Variants in ST6GALNAC3 observed in about 807,000 individuals in gnomAD.
ST6GALNAC3 encodes alpha-N-acetylgalactosaminide alpha-2,6-sialyltransferase 3.
Under a neutral mutation model 32.7 loss-of-function variants are expected in ST6GALNAC3, and 25 were observed. The observed-to-expected ratio is 0.76, with a 90% CI of 0.56 to 1.07. ST6GALNAC3 has a LOEUF of 1.07. ST6GALNAC3 is among the 50% of genes least tolerant of loss of function. The pLI, the probability that ST6GALNAC3 is intolerant of heterozygous loss-of-function variation, is 0.00. For missense variants in ST6GALNAC3, 355 were observed against 382.4 expected, an observed-to-expected ratio of 0.93 and a Z score of 0.60; for synonymous variants, 129 against 133.1, an observed-to-expected ratio of 0.97 and a Z score of 0.21.
chr1:76,121,148 C>T (rs1023658439), intron 1 of ST6GALNAC3, among the ~76,000 whole-genome samples: 1 of 152,220 alleles, frequency 6.6e-6, no homozygotes, highest in African/African-American at 2.4e-5. Context: ...AATTTCATCA[C>T]ATCTGCAAAG....
intron 1 of ST6GALNAC3, among the ~76,000 whole-genome samples, chr1:76,194,719 T>C (rs977422855): frequency 1.3e-4 from 20 of 152,158 alleles, no homozygotes; most frequent in Admixed American, 1.3e-3. Flanking sequence ...ACAAATGTTA[T>C]TGGAAAAAGG....
intron 1 of ST6GALNAC3, among the ~76,000 whole-genome samples, chr1:76,252,597 G>C (rs1258179395): frequency 2.0e-5 from 3 of 151,714 alleles, no homozygotes; most frequent in African/African-American, 7.3e-5. Flanking sequence ...TCTCATTCCT[G>C]AATGCTATGA....
intron 3 of ST6GALNAC3, among the ~76,000 whole-genome samples, chr1:76,537,763 T>C (rs1663712339): frequency 6.6e-6 from 1 of 151,740 alleles, no homozygotes; most frequent in Admixed American, 6.6e-5. Flanking sequence ...AACTAGAAAA[T>C]ACAGTAGAAA....
At chr1:76,544,034 T>C (rs1664146434) in intron 3 of ST6GALNAC3, among the ~76,000 whole-genome samples, 1 of 151,296 alleles carries the variant, frequency 6.6e-6, no homozygotes, top group African/African-American at 2.4e-5. Context: ...ACCTCAAGCA[T>C]CATATAGTCT....
chr1:76,400,794 C>T (rs1417092025), intron 2 of ST6GALNAC3, among the ~76,000 whole-genome samples: 1 of 151,834 alleles, frequency 6.6e-6, no homozygotes, highest in Non-Finnish European at 1.5e-5. Flanking sequence ...ACTCGGGAGG[C>T]TGAGGCAGGA....
chr1:76,588,723 T>G (rs1647001116), intron 3 of ST6GALNAC3, among the ~76,000 whole-genome samples: 1 of 152,202 alleles, frequency 6.6e-6, no homozygotes, highest in African/African-American at 2.4e-5. Context: ...TCCCTCTGCC[T>G]TGGGGAGGCA....
chr1:76,436,948 T>C (rs1656188314), intron 3 of ST6GALNAC3, among the ~76,000 whole-genome samples: 1 of 152,118 alleles, frequency 6.6e-6, no homozygotes, highest in African/African-American at 2.4e-5. Flanking sequence ...AATTTTGTTT[T>C]CAATCTCCAA....
intron 3 of ST6GALNAC3, among the ~76,000 whole-genome samples, chr1:76,555,593 G>T (rs1664870640): frequency 6.6e-6 from 1 of 152,144 alleles, no homozygotes; most frequent in African/African-American, 2.4e-5. Context: ...GATCAGTTCA[G>T]AGGAGCCAAG....
intron 3 of ST6GALNAC3, among the ~76,000 whole-genome samples, chr1:76,571,502 A>G (rs315019): frequency 0.13 from 20,058 of 152,150 alleles, 2,455 homozygotes; most frequent in African/African-American, 0.32. Flanking sequence ...TCTAGAAAGC[A>G]TGTTTTGTTA....
chr1:76,608,313 T>C (rs1647693561), intron 3 of ST6GALNAC3, among the ~76,000 whole-genome samples: 1 of 152,194 alleles, frequency 6.6e-6, no homozygotes, highest in South Asian at 2.1e-4. Context: ...TGAGCCTCTA[T>C]TATATGACAA....
chr1:76,231,006 C>T (rs1258215022), intron 1 of ST6GALNAC3, among the ~76,000 whole-genome samples: 1 of 152,204 alleles, frequency 6.6e-6, no homozygotes, highest in Admixed American at 6.5e-5. Flanking sequence ...TTTTCCCCTT[C>T]TCTGAATCTG....
At chr1:76,441,457 A>G (rs1215521601) in intron 3 of ST6GALNAC3, among the ~76,000 whole-genome samples, 1 of 152,148 alleles carries the variant, frequency 6.6e-6, no homozygotes, top group Non-Finnish European at 1.5e-5. Flanking sequence ...CAGAACTCCA[A>G]CCCAGATCTG....
chr1:76,175,257 G>A (rs540648415), intron 1 of ST6GALNAC3, among the ~76,000 whole-genome samples: 68 of 152,028 alleles, frequency 4.5e-4, no homozygotes, highest in African/African-American at 1.4e-3. Flanking sequence ...ATTGTAATCC[G>A]CTTACACTGC....
intron 2 of ST6GALNAC3, among the ~76,000 whole-genome samples, chr1:76,341,662 T>TTTCC (rs993259323): frequency 4.8e-5 from 7 of 147,150 alleles, no homozygotes; most frequent in Non-Finnish European, 8.9e-5. Context: ...TCTTTCTTTC[T>TTTCC]TTCTTTCTTT....
intron 3 of ST6GALNAC3, among the ~76,000 whole-genome samples, chr1:76,553,732 CT>C (rs1664765181): frequency 6.6e-6 from 1 of 152,118 alleles, no homozygotes; most frequent in African/African-American, 2.4e-5. Context: ...CATGTAAAAC[CT>C]TTTGTAGATC....
At chr1:76,151,416 C>T (rs745935328) in intron 1 of ST6GALNAC3, among the ~76,000 whole-genome samples, 33 of 152,202 alleles carry the variant, frequency 2.2e-4, no homozygotes, top group Admixed American at 9.8e-4. Flanking sequence ...TTTAGTCCCT[C>T]GTAGAAAGGC....
At chr1:76,163,488 T>C (rs1651934764) in intron 1 of ST6GALNAC3, among the ~76,000 whole-genome samples, 1 of 152,200 alleles carries the variant, frequency 6.6e-6, no homozygotes, top group African/African-American at 2.4e-5. Context: ...CTTGGGCAAG[T>C]CATTCTTTTT....
chr1:76,252,042 T>A (rs2100699707), intron 1 of ST6GALNAC3, among the ~76,000 whole-genome samples: 1 of 152,304 alleles, frequency 6.6e-6, no homozygotes, highest in South Asian at 2.1e-4. Context: ...CAGTTTTTGT[T>A]GTTGTTGTTG....
chr1:76,512,354 GT>G (rs1178918190), intron 3 of ST6GALNAC3, among the ~76,000 whole-genome samples: 1 of 151,918 alleles, frequency 6.6e-6, no homozygotes, highest in Non-Finnish European at 1.5e-5. Context: ...TTTATGTGTT[GT>G]TTTTTGTTGC....
Sources: allele counts gnomAD v4.1 joint callset (sites outside exome capture counted in the v4.1 genomes callset), GRCh38; gene constraint gnomAD v4.1.1; transcripts MANE v1.5; gene names NCBI Gene and HGNC (gene_info 2026-07-23, HGNC 2026-07-21).